The following REEP1 variants were observed in gnomAD, a reference collection of about 807,000 sequenced individuals.
REEP1 encodes the protein receptor expression-enhancing protein 1.
In REEP1, 22 loss-of-function variants were observed where a neutral mutation model predicts 40.3. The ratio of observed to expected loss-of-function variants is 0.55; its 90% CI spans 0.39 to 0.78. The LOEUF (loss-of-function observed/expected upper bound fraction) is 0.78, where lower values mean the gene tolerates loss of function less well. Among genes scored for constraint, REEP1 ranks in the 30% least tolerant of loss-of-function variants. REEP1 has a pLI of 0.00. For synonymous variants in REEP1, 116 were observed against 139.2 expected (o/e 0.83, Z 1.17); for missense variants, 280 against 361.1 (o/e 0.78, Z 1.82).
At chr2:86,223,123 A>T (rs1002149461) in intron 7 of REEP1, among the ~76,000 whole-genome samples, 2 of 152,342 alleles carry the variant, frequency 1.3e-5, no homozygotes, top group Non-Finnish European at 2.9e-5. Flanking sequence ...TGCCACTATG[A>T]TGCCCAAAGC....
intron 6 of REEP1, among the ~76,000 whole-genome samples, chr2:86,228,342 C>T (rs532986970): frequency 6.6e-6 from 1 of 152,148 alleles, no homozygotes. Flanking sequence ...GCCCCTTCCT[C>T]CCTTCCTCGT....
At position 86,232,705 on chromosome 2, in the gene REEP1, G is replaced by A. The variant is rs201154881; in HGVS notation, c.515C>T (p.Pro172Leu). 2.3e-5 allele frequency: 37 copies of A among 1,611,306 alleles called. No individual in the cohort carries two copies. Among genetic ancestry groups the A allele is most frequent in the South Asian group, 8.8e-5 (8 of 91,080 alleles). ...GCCGCTGGCCCGCCCAGACCCCGGT[G>A]GTGGGGGGCCCGAGGGAGCAGGGGC... ...DGAPAPSGPP[P>L]PGSGRASGKH... Residue 172 changes from proline to leucine, a missense_variant, in exon 6 of 9, where the codon CCA becomes CTA. Transcript: ENST00000538924.
At position 86,282,257 on chromosome 2, in the gene REEP1, G is replaced by C. The variant is rs755373256; in HGVS notation, c.33-15C>G. 1 of 1,569,350 alleles carries C rather than the reference G, an allele frequency of 6.4e-7. No individual in the cohort carries two copies. The highest frequency in any genetic ancestry group is 1.1e-5 in the South Asian group (1 of 90,156). ...CAAATATAAGCCTGGAGGGAAGAGA[G>C]ACAAAAATAAATACGATTTTTCATT... On this transcript the variant is annotated splice_polypyrimidine_tract_variant and intron_variant, in intron 1 of 8. Transcript: ENST00000538924.
At chr2:86,324,793 CA>C (rs1308849998) in intron 1 of REEP1, among the ~76,000 whole-genome samples, 2 of 152,248 alleles carry the variant, frequency 1.3e-5, no homozygotes, top group Admixed American at 6.5e-5. Context: ...AAAACCTGTG[CA>C]AAGGTATACC....
chr2:86,331,232 C>T (rs1680747716), intron 1 of REEP1, among the ~76,000 whole-genome samples: 1 of 152,246 alleles, frequency 6.6e-6, no homozygotes, highest in Non-Finnish European at 1.5e-5. Flanking sequence ...TCTCCCTCAG[C>T]TCCAAATCAA....
At chr2:86,323,267 A>G (rs1680351004) in intron 1 of REEP1, among the ~76,000 whole-genome samples, 1 of 152,252 alleles carries the variant, frequency 6.6e-6, no homozygotes, top group South Asian at 2.1e-4. Context: ...TGCTAGTCCA[A>G]TAAAAATGAC....
chr2:86,292,973 G>C (rs1678803105), intron 1 of REEP1, among the ~76,000 whole-genome samples: 1 of 152,192 alleles, frequency 6.6e-6, no homozygotes, highest in South Asian at 2.1e-4. Context: ...ATGCCCACCA[G>C]GCACTGTACA....
chr2:86,226,014 G>A (rs1216914412), intron 7 of REEP1, among the ~76,000 whole-genome samples: 1 of 151,904 alleles, frequency 6.6e-6, no homozygotes, highest in Non-Finnish European at 1.5e-5. Context: ...AGCAACAGGA[G>A]TCTCTGTCCA....
rs1263784360 is a variant in REEP1, at chr2:86,214,662, AAC to A, written c.*2375_*2376del. 6.5e-6 allele frequency: 1 copy of A among 152,776 alleles called. No homozygotes were observed. Among genetic ancestry groups the A allele is most frequent in the East Asian group, 1.9e-4 (1 of 5,192 alleles). The allele number at this position is 152,776 out of a possible 1,614,324, so 9.5% of individuals were successfully genotyped here. A position where few individuals can be genotyped will look rare whatever the true frequency, so the allele number is the denominator to read the frequency against. ...AAATGTACAACTTGTCAGATACGTA[AAC>A]ACATTTTGCCAGAAATATGACAGCT... On this transcript the variant is annotated 3_prime_UTR_variant, in exon 9 of 9. Transcript: ENST00000538924.
At chr2:86,288,132 C>T (rs1211077616) in intron 1 of REEP1, among the ~76,000 whole-genome samples, 3 of 152,104 alleles carry the variant, frequency 2.0e-5, no homozygotes, top group African/African-American at 7.3e-5. Context: ...AAGGGATTCT[C>T]CTTCCTCAAC....
At chr2:86,220,843 C>T (rs1674382538) in intron 7 of REEP1, among the ~76,000 whole-genome samples, 1 of 152,108 alleles carries the variant, frequency 6.6e-6, no homozygotes, top group African/African-American at 2.4e-5. Context: ...GCGGGAAAAG[C>T]TTCAGAATTA....
At chr2:86,242,916 A>T (rs934832860) in intron 5 of REEP1, among the ~76,000 whole-genome samples, 2 of 152,116 alleles carry the variant, frequency 1.3e-5, no homozygotes, top group African/African-American at 4.8e-5. Context: ...GGTGACAGAG[A>T]TTTGGAGCTT....
intron 1 of REEP1, among the ~76,000 whole-genome samples, chr2:86,310,460 T>G (rs768079282): frequency 6.6e-6 from 1 of 152,188 alleles, no homozygotes; most frequent in African/African-American, 2.4e-5. Flanking sequence ...CGGTACCACC[T>G]AGGTTTGTGT....
At chr2:86,259,161 G>A (rs1394268388) in intron 3 of REEP1, among the ~76,000 whole-genome samples, 8 of 151,524 alleles carry the variant, frequency 5.3e-5, no homozygotes, top group Non-Finnish European at 8.8e-5. Context: ...ATGGTGGCAC[G>A]TGCCTGTAGT....
chr2:86,260,153 G>C (rs1413790463), intron 3 of REEP1, among the ~76,000 whole-genome samples: 1 of 152,146 alleles, frequency 6.6e-6, no homozygotes, highest in Non-Finnish European at 1.5e-5. Context: ...AGAAGACTAG[G>C]ATCTATGACA....
intron 2 of REEP1, among the ~76,000 whole-genome samples, chr2:86,267,012 A>G (rs1318932969): frequency 6.9e-5 from 9 of 130,540 alleles, no homozygotes; most frequent in South Asian, 4.7e-4. Flanking sequence ...GTCTCAGGGG[A>G]AAAAAAAAAC....
chr2:86,272,510 ATTGC>A (rs1307348394), intron 2 of REEP1, among the ~76,000 whole-genome samples: 1 of 152,116 alleles, frequency 6.6e-6, no homozygotes, highest in Non-Finnish European at 1.5e-5. Context: ...TGGTTTCCCA[ATTGC>A]TTTTCTTGCC....
intron 2 of REEP1, chr2:86,280,020 C>A (rs1267668980): frequency 8.8e-6 from 4 of 456,090 alleles, no homozygotes; most frequent in Admixed American, 7.1e-5. Context: ...GGACGACAGA[C>A]CTGGTTTGGA....
chr2:86,249,734 G>A (rs1676165003), intron 5 of REEP1, among the ~76,000 whole-genome samples: 1 of 152,096 alleles, frequency 6.6e-6, no homozygotes, highest in Non-Finnish European at 1.5e-5. Context: ...CTGTTGCTAT[G>A]GAAACCACTG....
Sources: gnomAD v4.1 joint callset for allele counts (sites outside exome capture counted in the v4.1 genomes callset) on GRCh38, gnomAD v4.1.1 for gene constraint, MANE v1.5 for transcripts, NCBI Gene and HGNC (gene_info 2026-07-23, HGNC 2026-07-21) for gene names.